The following ESRP2 variants were observed in gnomAD, a reference collection of about 807,000 sequenced individuals.
ESRP2 encodes RNA binding motif protein 35A.
ESRP2 carries 48 observed loss-of-function variants against 78.6 expected under a neutral mutation model. The observed-to-expected ratio is 0.61, with a 90% CI of 0.48 to 0.78. The LOEUF (loss-of-function observed/expected upper bound fraction) is 0.78. Among genes scored for constraint, ESRP2 ranks in the 30% least tolerant of loss-of-function variants. The pLI, the probability that ESRP2 is intolerant of heterozygous loss-of-function variation, is 0.00. For missense variants in ESRP2, 863 were observed against 965.9 expected (o/e 0.89, Z 1.41); for synonymous variants, 383 against 406.7 (o/e 0.94, Z 0.70).
chr16:68,236,062 G>A lies in ESRP2; in HGVS notation c.-17C>T. ...CGGAGTCATGGCCGCAGAGGAAGGG[G>A]GCTCTCGGCCAGACACGCGGACCGA... On this transcript the variant is annotated 5_prime_UTR_variant, in exon 1 of 15. Coordinates refer to ENST00000473183, the MANE Select transcript of ESRP2 (RefSeq NM_024939.3). The surrounding 1 kb of genome is among the most constrained non-coding windows in gnomAD (Gnocchi z 5.2). 7.1e-7 allele frequency: 1 copy of A among 1,414,768 alleles called. No homozygotes were observed. Among genetic ancestry groups the A allele is most frequent in the Non-Finnish European group, 9.1e-7 (1 of 1,097,072 alleles). The allele number at this position is 1,414,768 out of a possible 1,614,324, so 87.6% of individuals were successfully genotyped here. A position where few individuals can be genotyped will look rare whatever the true frequency, so the allele number is the denominator to read the frequency against.
At position 68,231,587 on chromosome 16, in the gene ESRP2, G is replaced by C. The variant is rs1301954545; in HGVS notation, c.1407C>G (p.Leu469=). The C allele has an allele frequency of 3.7e-6, 6 of 1,613,968 alleles. No homozygotes were observed. The East Asian group carries it at 1.3e-4, about 36-fold the overall frequency. Residue 469 remains leucine (L), a synonymous_variant, in exon 11 of 15, where the codon CTC becomes CTG. Transcript: ENST00000473183. This position sits in a 1 kb window ranked among gnomAD's most constrained non-coding sequence, Gnocchi z 6.0. ...APGTGRDCVR[L]RGLPYTATIE... Reference sequence around the variant, plus strand: ...TGGTGGCCGTGTAGGGCAGGCCTCGGAGGCGTACACAGTCCCTCCCAGTCC... The same window carrying C: ...TGGTGGCCGTGTAGGGCAGGCCTCGCAGGCGTACACAGTCCCTCCCAGTCC...
chr16:68,231,614 A>G lies in ESRP2; in HGVS notation c.1380T>C (p.Pro460=). Residue 460 remains proline (P), a synonymous_variant, in exon 11 of 15, where the codon CCT becomes CCC. Transcript: ENST00000473183. This position sits in a 1 kb window ranked among gnomAD's most constrained non-coding sequence, Gnocchi z 6.0. ...PLLPIPFPLA[P]GTGRDCVRLR... is the part of the protein sequence containing the mutation. The stretch of plus-strand genomic sequence containing the variant: ...GGCGTACACAGTCCCTCCCAGTCCC[A>G]GGTGCCAGTGGGAAGGGGATGGGCA... 1.9e-6 allele frequency: 3 copies of G among 1,613,958 alleles called. No individual in the cohort carries two copies. Among genetic ancestry groups the G allele is most frequent in the Non-Finnish European group, 2.5e-6 (3 of 1,179,956 alleles).
At chr16:68,233,696 A>C in intron 4 of ESRP2, 72 bp downstream of exon 4, 1 of 1,130,478 alleles carries the variant, frequency 8.8e-7, no homozygotes, top group African/African-American at 1.5e-5. Flanking sequence ...TTACCCACCC[A>C]CAGCATGCAC....
chr16:68,230,432 G>A lies in ESRP2; in HGVS notation c.2021C>T (p.Thr674Met), dbSNP rs752812867. 5.0e-6 allele frequency: 8 copies of A among 1,613,284 alleles called. No individual in the cohort carries two copies. Among genetic ancestry groups the A allele is most frequent in the Middle Eastern group, 1.7e-4 (1 of 6,058 alleles). The change falls in exon 14 of 15, where the codon ACG (threonine) becomes ATG (methionine). Residue 674 changes from threonine (T) to methionine (M), a missense_variant. Physicochemically the swap from Thr to Met is moderately conservative, Grantham distance 81. Coordinates refer to ENST00000473183, the MANE Select transcript of ESRP2 (RefSeq NM_024939.3). ...ALVRMQGVPY[T>M]AGMKDLLSVF... ...GCTGAGCAGATCCTTCATACCAGCC[G>A]TGTATGGGACACCCTGCATGCGGAC...
In ESRP2 at chr16:68,229,931, C is replaced by A; in HGVS notation, c.*295G>T. The A allele has an allele frequency of 2.2e-6, 1 of 452,416 alleles. No individual in the cohort carries two copies. The highest frequency in any genetic ancestry group is 3.2e-5 in the South Asian group (1 of 31,120). 28.0% of individuals were successfully genotyped at this position (452,416 alleles called of 1,614,324 possible). ...CGATATCTGTCGGCATGGGCCACAG[C>A]CAGGACAGACTTAAGGGCTCTCCAG... On this transcript the variant is annotated 3_prime_UTR_variant, in exon 15 of 15. Transcript: ENST00000473183.
At position 68,235,191 on chromosome 16, in the gene ESRP2, G is replaced by A. The variant is rs1186393727; in HGVS notation, c.327+443C>T. ...CCTGGCGGCGTCTACCTCTAGGGCC[G>A]ACACCGCCCTACGCCTCCGCTCCAG... On this transcript the variant is annotated intron_variant, in intron 2 of 14. Coordinates refer to ENST00000473183, the MANE Select transcript of ESRP2 (RefSeq NM_024939.3). This position sits in a 1 kb window ranked among gnomAD's most constrained non-coding sequence, Gnocchi z 5.5. 7.1e-6 allele frequency: 7 copies of A among 985,212 alleles called. No individual in the cohort carries two copies. In the East Asian group the frequency reaches 6.8e-4, roughly 96 times the overall value. The allele number at this position is 985,212 out of a possible 1,614,324, so 61.0% of individuals were successfully genotyped here. A position where few individuals can be genotyped will look rare whatever the true frequency, so the allele number is the denominator to read the frequency against.
At position 68,230,187 on chromosome 16, in the gene ESRP2, C is replaced by G; in HGVS notation, c.*39G>C. 6.3e-7 allele frequency: 1 copy of G among 1,586,988 alleles called. No individual in the cohort carries two copies. The highest frequency in any genetic ancestry group is 1.1e-5 in the South Asian group (1 of 90,492). ...CTGGACTCAGGAGAGACATGTTCGCCGAGGATATCAGCTGGCTCTTACCTC... is the reference window on the plus strand; with the variant it reads ...CTGGACTCAGGAGAGACATGTTCGCGGAGGATATCAGCTGGCTCTTACCTC... On this transcript the variant is annotated 3_prime_UTR_variant, in exon 15 of 15. Transcript: ENST00000473183.
Position 68,232,926 on chromosome 16 carries a change from C to G in ESRP2, c.656-111G>C. 1 of 1,463,436 alleles carries G rather than the reference C, an allele frequency of 6.8e-7. No homozygotes were observed. Among genetic ancestry groups the G allele is most frequent in the Non-Finnish European group, 9.4e-7 (1 of 1,061,216 alleles). The allele number at this position is 1,463,436 out of a possible 1,614,324, so 90.7% of individuals were successfully genotyped here. A position where few individuals can be genotyped will look rare whatever the true frequency, so the allele number is the denominator to read the frequency against. ...AGATGAAGAAATGACAGGCCGAGCACAGTGGCTCACGCCTATAATCCCAGC... is the reference window on the plus strand; with the variant it reads ...AGATGAAGAAATGACAGGCCGAGCAGAGTGGCTCACGCCTATAATCCCAGC... On this transcript the variant is annotated intron_variant, in intron 5 of 14. Coordinates refer to ENST00000473183, the MANE Select transcript of ESRP2 (RefSeq NM_024939.3). This position sits in a 1 kb window ranked among gnomAD's most constrained non-coding sequence, Gnocchi z 5.2.
Position 68,235,625 on chromosome 16 carries a change from G to A in ESRP2, c.327+9C>T. Reference sequence around the variant, plus strand: ...TCCAGGCCATGCCGCCACCCACCCCGGCGCTCACCTGCTGCAGCACCTTGT... The same window carrying A: ...TCCAGGCCATGCCGCCACCCACCCCAGCGCTCACCTGCTGCAGCACCTTGT... On this transcript the variant is annotated intron_variant, in intron 2 of 14. Coordinates refer to ENST00000473183, the MANE Select transcript of ESRP2 (RefSeq NM_024939.3). This position sits in a 1 kb window ranked among gnomAD's most constrained non-coding sequence, Gnocchi z 5.5. 6.3e-7 allele frequency: 1 copy of A among 1,596,736 alleles called. No homozygotes were observed. The highest frequency in any genetic ancestry group is 1.3e-5 in the African/African-American group (1 of 74,994).
rs2042210453 is a variant in ESRP2, at chr16:68,235,407, G to C, written c.327+227C>G. The C allele has an allele frequency of 1.0e-6, 1 of 985,340 alleles. No individual in the cohort carries two copies. The highest frequency in any genetic ancestry group is 1.2e-6 in the Non-Finnish European group (1 of 829,948). 61.0% of individuals were successfully genotyped at this position (985,340 alleles called of 1,614,324 possible). On this transcript the variant is annotated intron_variant, in intron 2 of 14. Coordinates refer to ENST00000473183, the MANE Select transcript of ESRP2 (RefSeq NM_024939.3). The surrounding 1 kb of genome is among the most constrained non-coding windows in gnomAD (Gnocchi z 5.5). ...GCCTGCGTCCCGATCCCTTCGGTAG[G>C]AGTAGGTTCCTGCAATGGTTGAAAA...
chr16:68,231,157 C>A lies in ESRP2; in HGVS notation c.1711+21G>T. The A allele has an allele frequency of 6.2e-7, 1 of 1,612,586 alleles. No individual in the cohort carries two copies. Among genetic ancestry groups the A allele is most frequent in the Non-Finnish European group, 8.5e-7 (1 of 1,179,712 alleles). ...CTGGCTACCACAGGCCTCCTCCTCC[C>A]CTAGCCCCTAGGGCACTCACAGGGC... On this transcript the variant is annotated intron_variant, in intron 12 of 14. Coordinates refer to ENST00000473183, the MANE Select transcript of ESRP2 (RefSeq NM_024939.3). This position sits in a 1 kb window ranked among gnomAD's most constrained non-coding sequence, Gnocchi z 6.0.
chr16:68,232,487 A>G lies in ESRP2; in HGVS notation c.838T>C (p.Cys280Arg). ...LNVARGGVAL[C>R]LNAQGRRNGE... ...TTTCTGCGGCCCTGGGCGTTGAGGC[A>G]GAGTGCTACACCACCCCTGTGGAGC... Residue 280 changes from cysteine to arginine, a missense_variant, in exon 8 of 15, where the codon TGC becomes CGC. Coordinates refer to ENST00000473183, the MANE Select transcript of ESRP2 (RefSeq NM_024939.3). This position sits in a 1 kb window ranked among gnomAD's most constrained non-coding sequence, Gnocchi z 5.2. The G allele has an allele frequency of 6.2e-7, 1 of 1,614,174 alleles. No homozygotes were observed. Among genetic ancestry groups the G allele is most frequent in the Admixed American group, 1.7e-5 (1 of 60,028 alleles).
At chr16:68,233,196 CAAAAAAA>C (rs377116348) in intron 5 of ESRP2, 124 bp downstream of exon 5, 9 of 524,108 alleles carry the variant, frequency 1.7e-5, no homozygotes, top group Admixed American at 1.1e-4. Flanking sequence ...GAGACTGTCT[CAAAAAAA>C]AAAAAAAAAA....
rs2151196754 is a variant in ESRP2, at chr16:68,235,279, C to T, written c.327+355G>A. ...CAGGTGACCTATATGGGCCCCTCGA[C>T]CCCTTTCGCTTCCGGCTGCGGCTCA... On this transcript the variant is annotated intron_variant, in intron 2 of 14. Coordinates refer to ENST00000473183, the MANE Select transcript of ESRP2 (RefSeq NM_024939.3). The surrounding 1 kb of genome is among the most constrained non-coding windows in gnomAD (Gnocchi z 5.5). 5.1e-6 allele frequency: 5 copies of T among 985,456 alleles called. No homozygotes were observed. Among genetic ancestry groups the T allele is most frequent in the Non-Finnish European group, 6.0e-6 (5 of 829,940 alleles). The allele number at this position is 985,456 out of a possible 1,614,324, so 61.0% of individuals were successfully genotyped here.
chr16:68,234,255 T>G lies in ESRP2; in HGVS notation c.328-148A>C, dbSNP rs1598655269. 6 of 637,112 alleles carry G rather than the reference T, an allele frequency of 9.4e-6. No homozygotes were observed. In the East Asian group the frequency reaches 1.6e-4, roughly 17 times the overall value. The allele number at this position is 637,112 out of a possible 1,614,324, so 39.5% of individuals were successfully genotyped here. On this transcript the variant is annotated intron_variant, in intron 2 of 14. Coordinates refer to ENST00000473183, the MANE Select transcript of ESRP2 (RefSeq NM_024939.3). ...CCTGGGAATAAGAGGCCACGCCTGTTGAGCCTAGCCCTATGTCCCTTCCCC... is the reference window on the plus strand; with the variant it reads ...CCTGGGAATAAGAGGCCACGCCTGTGGAGCCTAGCCCTATGTCCCTTCCCC...
chr16:68,233,147 T>C, intron 5 of ESRP2, 180 bp downstream of exon 5: 1 of 608,476 alleles, frequency 1.6e-6, no homozygotes, highest in Non-Finnish European at 2.9e-6. Context: ...TGCAGTGAGC[T>C]GAGATTGTGC....
In ESRP2 at chr16:68,236,115, G is replaced by A; in HGVS notation, c.-70C>T. The stretch of plus-strand genomic sequence containing the variant: ...AGGCGCACGCACGCACCGACCGACC[G>A]CAGACGCGGATCAGCTTGGGCGGGA... On this transcript the variant is annotated 5_prime_UTR_variant, in exon 1 of 15. Transcript: ENST00000473183. This position sits in a 1 kb window ranked among gnomAD's most constrained non-coding sequence, Gnocchi z 5.2. 2 of 1,346,608 alleles carry A rather than the reference G, an allele frequency of 1.5e-6. No homozygotes were observed. The highest frequency in any genetic ancestry group is 3.1e-5 in the East Asian group (1 of 32,376). 83.4% of individuals were successfully genotyped at this position (1,346,608 alleles called of 1,614,324 possible). A position where few individuals can be genotyped will look rare whatever the true frequency, so the allele number is the denominator to read the frequency against.
rs2042099720 is a variant in ESRP2, at chr16:68,229,685, C to T, written c.*541G>A. On this transcript the variant is annotated 3_prime_UTR_variant, in exon 15 of 15. Transcript: ENST00000473183. ...GCTAGCATCTTTAGGTGGGACCACC[C>T]CTGGCACAACATGGTCTCTGAGGTC... 1 of 157,158 alleles carries T rather than the reference C, an allele frequency of 6.4e-6. No individual in the cohort carries two copies. The highest frequency in any genetic ancestry group is 1.4e-5 in the Non-Finnish European group (1 of 70,768). The allele number at this position is 157,158 out of a possible 1,614,324, so 9.7% of individuals were successfully genotyped here. A position where few individuals can be genotyped will look rare whatever the true frequency, so the allele number is the denominator to read the frequency against.
Position 68,231,782 on chromosome 16 carries a change from G to C in ESRP2, c.1299+20C>G, listed in dbSNP as rs80039191. On this transcript the variant is annotated intron_variant, in intron 10 of 14. Coordinates refer to ENST00000473183, the MANE Select transcript of ESRP2 (RefSeq NM_024939.3). The surrounding 1 kb of genome is among the most constrained non-coding windows in gnomAD (Gnocchi z 6.0). ...CTGGAGTAACAGTACATCTGGGGGT[G>C]GGGAGCCCTGGGCGCTCACCTGCTG... is the stretch of plus-strand genomic sequence containing the variant. 2,532 of 1,604,398 alleles carry C rather than the reference G, an allele frequency of 1.6e-3. 39 individuals are homozygous for C. The African/African-American group carries it at 0.029, about 19-fold the overall frequency.
Sources: allele counts gnomAD v4.1 joint callset, GRCh38; gene constraint gnomAD v4.1.1; non-coding constraint Gnocchi (gnomAD v3.1); transcripts MANE v1.5; gene names NCBI Gene and HGNC (gene_info 2026-07-23, HGNC 2026-07-21).